The following CHL1 variants were observed in gnomAD, a reference collection of about 807,000 sequenced individuals.
CHL1 encodes neural cell adhesion molecule L1-like protein.
In CHL1, 96 loss-of-function variants were observed where a neutral mutation model predicts 141.9. The ratio of observed to expected loss-of-function variants is 0.68; its 90% confidence interval spans 0.57 to 0.80. CHL1 has a LOEUF of 0.80. Ranked by LOEUF, CHL1 falls within the 30% of genes least tolerant of loss-of-function variation. CHL1 has a pLI of 0.00. For synonymous variants in CHL1, 613 were observed against 502.2 expected, an observed-to-expected ratio of 1.22 and a Z score of -2.95; for missense variants, 1,820 against 1,457.2, an observed-to-expected ratio of 1.25 and a Z score of -4.05.
chr3:234,837 A>G (rs772200064), intron 1 of CHL1, among the ~76,000 whole-genome samples: 1 of 152,196 alleles, frequency 6.6e-6, no homozygotes, highest in Non-Finnish European at 1.5e-5. Context: ...TTCTTGGATG[A>G]ATAAACAAAG....
chr3:333,535 A>T (rs1701629120), intron 5 of CHL1, among the ~76,000 whole-genome samples: 1 of 151,974 alleles, frequency 6.6e-6, no homozygotes, highest in Admixed American at 6.5e-5. Flanking sequence ...AACCAAACAA[A>T]CAGAATGTAC....
At chr3:344,102 A>T (rs1216219095) in intron 8 of CHL1, among the ~76,000 whole-genome samples, 1 of 152,170 alleles carries the variant, frequency 6.6e-6, no homozygotes, top group East Asian at 1.9e-4. Context: ...TTGCCGAAAG[A>T]GCTTGATAAA....
chr3:344,418 A>G (rs927317692), intron 8 of CHL1, among the ~76,000 whole-genome samples, 171 bp from the exon 9 acceptor site: 10 of 152,034 alleles, frequency 6.6e-5, no homozygotes, highest in African/African-American at 2.4e-4. Flanking sequence ...CTTCATGGTA[A>G]GAGAGAAGAG....
intron 2 of CHL1, among the ~76,000 whole-genome samples, chr3:292,578 A>G (rs1325382417): frequency 2.6e-5 from 4 of 152,166 alleles, no homozygotes; most frequent in African/African-American, 2.4e-5. Flanking sequence ...TCTTATTCAC[A>G]AGTGTGTTGA....
chr3:216,107 CA>C (rs1700296349), intron 1 of CHL1, among the ~76,000 whole-genome samples: 1 of 151,950 alleles, frequency 6.6e-6, no homozygotes, highest in African/African-American at 2.4e-5. Flanking sequence ...AAAATGTAAA[CA>C]AAAATTGATG....
chr3:203,711 C>A (rs1385338206), intron 1 of CHL1, among the ~76,000 whole-genome samples: 3 of 152,216 alleles, frequency 2.0e-5, no homozygotes, highest in Non-Finnish European at 4.4e-5. Context: ...GGTAGAGGAA[C>A]ATAACTACTG....
intron 5 of CHL1, among the ~76,000 whole-genome samples, chr3:334,671 T>G (rs1452493282): frequency 6.6e-6 from 1 of 152,216 alleles, no homozygotes; most frequent in Non-Finnish European, 1.5e-5. Flanking sequence ...TGTTAATCCA[T>G]CCACCAGTTG....
chr3:211,834 T>C (rs183517547), intron 1 of CHL1, among the ~76,000 whole-genome samples: 1 of 152,282 alleles, frequency 6.6e-6, no homozygotes, highest in Admixed American at 6.5e-5. Context: ...AGATACAATG[T>C]CTATATATTA....
intron 1 of CHL1, chr3:197,812 G>C (rs778381517): frequency 8.8e-6 from 4 of 456,404 alleles, no homozygotes; most frequent in African/African-American, 8.0e-5. Context: ...AGCCCGGGGG[G>C]CTGGAGATGC....
At chr3:265,749 G>T (rs1695095088) in intron 2 of CHL1, among the ~76,000 whole-genome samples, 1 of 152,166 alleles carries the variant, frequency 6.6e-6, no homozygotes, top group Admixed American at 6.5e-5. Flanking sequence ...TAATAAGGTG[G>T]AATTTCAAGG....
rs749151946 is a variant in CHL1 at position 360,324 on chromosome 3, C to T, written c.1206C>T (p.Ile402=). ...FAGDVVFPRE[I]SFTNLQPNHT... is the part of the protein sequence containing the mutation. Reference sequence around the variant, plus strand: ...GTGATGTTGTCTTCCCCAGGGAAATCAGTTTTACCAACCTTCAACCAAATC... The same window carrying T: ...GTGATGTTGTCTTCCCCAGGGAAATTAGTTTTACCAACCTTCAACCAAATC... Residue 402 remains isoleucine (I), a synonymous_variant, in exon 12 of 28, where the codon ATC becomes ATT. Transcript: ENST00000256509. 6.2e-7 allele frequency: 1 copy of T among 1,613,822 alleles called. No individual in the cohort carries two copies. Among genetic ancestry groups the T allele is most frequent in the Admixed American group, 1.7e-5 (1 of 60,004 alleles).
chr3:402,196 T>G (rs1336284509), intron 27 of CHL1, among the ~76,000 whole-genome samples: 3 of 152,230 alleles, frequency 2.0e-5, no homozygotes, highest in African/African-American at 7.2e-5. Flanking sequence ...GAGTAACTGT[T>G]TCTGCCCAGG....
intron 2 of CHL1, among the ~76,000 whole-genome samples, chr3:319,455 T>G (rs1700387966): frequency 6.6e-6 from 1 of 151,864 alleles, no homozygotes; most frequent in Non-Finnish European, 1.5e-5. Context: ...GACTTAGGAT[T>G]TTTTGGAATA....
intron 1 of CHL1, among the ~76,000 whole-genome samples, chr3:219,197 A>G (rs1232483917): frequency 3.3e-5 from 5 of 152,056 alleles, no homozygotes; most frequent in African/African-American, 1.2e-4. Flanking sequence ...TGTGTGGAGA[A>G]AAAGGAAGAG....
At chr3:312,264 A>G (rs1050638507) in intron 2 of CHL1, among the ~76,000 whole-genome samples, 1 of 152,206 alleles carries the variant, frequency 6.6e-6, no homozygotes, top group Non-Finnish European at 1.5e-5. Context: ...TGTGTACAAA[A>G]TGTGCCAGCT....
chr3:374,345 G>C (rs755260443), intron 15 of CHL1, among the ~76,000 whole-genome samples: 13 of 152,098 alleles, frequency 8.5e-5, no homozygotes, highest in Admixed American at 6.6e-5. Flanking sequence ...CTCAGGTTAG[G>C]TCTCCGCTGA....
chr3:301,105 C>T (rs414329), intron 2 of CHL1, among the ~76,000 whole-genome samples: 9,844 of 152,106 alleles, frequency 0.065, 1,113 homozygotes, highest in African/African-American at 0.23. Context: ...AATATTAACC[C>T]AGATCTCCTT....
At chr3:313,394 T>G (rs1699906140) in intron 2 of CHL1, among the ~76,000 whole-genome samples, 1 of 152,182 alleles carries the variant, frequency 6.6e-6, no homozygotes, top group African/African-American at 2.4e-5. Flanking sequence ...TCAGATTCTA[T>G]TTCCCTCTAG....
chr3:332,543 T>A (rs1701523035), intron 5 of CHL1, among the ~76,000 whole-genome samples: 1 of 152,166 alleles, frequency 6.6e-6, no homozygotes, highest in Admixed American at 6.5e-5. Context: ...TTACATTTAT[T>A]CTATAAACAA....
Sources: gnomAD v4.1 joint callset for allele counts (sites outside exome capture counted in the v4.1 genomes callset) on GRCh38, gnomAD v4.1.1 for gene constraint, MANE v1.5 for transcripts, NCBI Gene and HGNC (gene_info 2026-07-23, HGNC 2026-07-21) for gene names.